The following RAB11FIP1 variants were observed in gnomAD, a reference collection of about 807,000 sequenced individuals.
RAB11FIP1 encodes rab11 family-interacting protein 1.
Under a neutral mutation model 83.1 loss-of-function variants are expected in RAB11FIP1, and 49 were observed. The ratio of observed to expected loss-of-function variants is 0.59; its 90% confidence interval spans 0.47 to 0.75. The LOEUF is 0.75. RAB11FIP1 is among the 30% of genes least tolerant of loss of function. RAB11FIP1 has a pLI of 0.00. For synonymous variants in RAB11FIP1, 670 were observed against 656.0 expected (o/e 1.02, Z -0.33); for missense variants, 1,536 against 1,598.7 (o/e 0.96, Z 0.67).
chr8:37,871,593 C>A lies in RAB11FIP1; in HGVS notation c.3209G>T (p.Ser1070Ile). Residue 1070 changes from serine (S) to isoleucine (I), a missense_variant, in exon 4 of 6, where the codon AGT becomes ATT. Coordinates refer to ENST00000330843, the MANE Select transcript of RAB11FIP1 (RefSeq NM_001002814.3). ...SSLDKQLPGP[S>I]GGEEEKPMGN... ...CATCGGTTTTTCTTCCTCACCACCACTGGGGCCTGGCAGCTGTTTATCCAA... is the reference window on the plus strand; with the variant it reads ...CATCGGTTTTTCTTCCTCACCACCAATGGGGCCTGGCAGCTGTTTATCCAA... 6.2e-7 allele frequency: 1 copy of A among 1,601,854 alleles called. No homozygotes were observed. Among genetic ancestry groups the A allele is most frequent in the East Asian group, 2.2e-5 (1 of 44,668 alleles).
intron 4 of RAB11FIP1, chr8:37,870,805 A>G (rs1806437271): frequency 5.5e-6 from 2 of 365,040 alleles, no homozygotes; most frequent in East Asian, 9.3e-5. Context: ...CAGAACATTA[A>G]AGGCAGTCTC....
chr8:37,874,902 A>C lies in RAB11FIP1; in HGVS notation c.1235T>G (p.Met412Arg). The change falls in exon 3 of 6, where the codon ATG (methionine) becomes AGG (arginine). Residue 412 changes from methionine (M) to arginine (R), a missense_variant. Coordinates refer to ENST00000330843, the MANE Select transcript of RAB11FIP1 (RefSeq NM_001002814.3). ...TGTGGCCTCTGAGTTTGCGGGGGCCATGTTTTCCCTGAGGTCCCCACTGAC... is the reference window on the plus strand; with the variant it reads ...TGTGGCCTCTGAGTTTGCGGGGGCCCTGTTTTCCCTGAGGTCCCCACTGAC... The part of the protein sequence containing the change: ...PLVSGDLREN[M>R]APANSEATKE... The C allele has an allele frequency of 6.2e-7, 1 of 1,613,972 alleles. No homozygotes were observed. The highest frequency in any genetic ancestry group is 8.5e-7 in the Non-Finnish European group (1 of 1,179,988).
chr8:37,879,641 G>C (rs1806696249), intron 1 of RAB11FIP1, among the ~76,000 whole-genome samples: 1 of 152,210 alleles, frequency 6.6e-6, no homozygotes, highest in South Asian at 2.1e-4. Context: ...CCAGCACTTT[G>C]GGAGGCCAAG....
intron 5 of RAB11FIP1, among the ~76,000 whole-genome samples, chr8:37,865,018 C>A (rs1806315122): frequency 2.0e-5 from 3 of 151,544 alleles, no homozygotes; most frequent in Admixed American, 2.0e-4. Context: ...ATCCTCCCAC[C>A]TTGGCCTCCC....
At position 37,899,177 on chromosome 8, in the gene RAB11FIP1, G is replaced by T. The variant is rs867539052; in HGVS notation, c.265C>A (p.Gln89Lys). ...SSGPAAAATL[Q>K]LTVLHRALLG... ...AGCGCGCGGTGCAGCACGGTGAGCT[G>T]CAGGGTGGCGGCGGCCGCGGGTCCG... is the stretch of plus-strand genomic sequence containing the variant. The change falls in exon 1 of 6, where the codon CAG (glutamine) becomes AAG (lysine). Residue 89 changes from glutamine to lysine, a missense_variant. By Grantham distance (53) the Gln-to-Lys change is moderately conservative. Transcript: ENST00000330843. This position sits in a 1 kb window ranked among gnomAD's most constrained non-coding sequence, Gnocchi z 4.5. The T allele has an allele frequency of 6.4e-7, 1 of 1,560,446 alleles. No homozygotes were observed. The highest frequency in any genetic ancestry group is 1.9e-5 in the Admixed American group (1 of 53,956).
Position 37,875,247 on chromosome 8 carries a change from T to A in RAB11FIP1, c.890A>T (p.Glu297Val). 1.2e-6 allele frequency: 2 copies of A among 1,614,016 alleles called. No individual in the cohort carries two copies. Among genetic ancestry groups the A allele is most frequent in the South Asian group, 2.2e-5 (2 of 91,062 alleles). The stretch of plus-strand genomic sequence containing the variant: ...AAGGCCACCAAGAAAGGAAAGTCCT[T>A]CCTTCTTGGGAAGGGTAAAGTTGAC... ...NQVNFTLPKKEGLSFLGGLRS... is the reference protein window; with the variant it reads ...NQVNFTLPKKVGLSFLGGLRS... Residue 297 changes from glutamate (E) to valine (V), a missense_variant, in exon 3 of 6, where the codon GAA (glutamate) becomes GTA (valine). Coordinates refer to ENST00000330843, the MANE Select transcript of RAB11FIP1 (RefSeq NM_001002814.3).
Position 37,875,205 on chromosome 8 carries a change from A to T in RAB11FIP1, c.932T>A (p.Val311Asp). 6.2e-7 allele frequency: 1 copy of T among 1,614,100 alleles called. No homozygotes were observed. The highest frequency in any genetic ancestry group is 8.5e-7 in the Non-Finnish European group (1 of 1,180,008). Residue 311 changes from valine to aspartate, a missense_variant, in exon 3 of 6, where the codon GTC becomes GAC. Transcript: ENST00000330843. Reference sequence around the variant, plus strand: ...GATGCAGACATTAGAGCGGGAAAGGACATCATTCTTAGACCGAAGGCCACC... The same window carrying T: ...GATGCAGACATTAGAGCGGGAAAGGTCATCATTCTTAGACCGAAGGCCACC... ...FLGGLRSKND[V>D]LSRSNVCING... is the part of the protein sequence containing the mutation.
chr8:37,897,014 A>G (rs1423737251), intron 1 of RAB11FIP1, among the ~76,000 whole-genome samples: 1 of 152,176 alleles, frequency 6.6e-6, no homozygotes, highest in Non-Finnish European at 1.5e-5. Context: ...AACAGCACCC[A>G]TTTGAAGCTG....
At chr8:37,883,318 C>T (rs1283887102) in intron 1 of RAB11FIP1, among the ~76,000 whole-genome samples, 1 of 152,150 alleles carries the variant, frequency 6.6e-6, no homozygotes, top group Non-Finnish European at 1.5e-5. Context: ...CCTGCCTCAG[C>T]TTGCTGAGTA....
Position 37,872,700 on chromosome 8 carries a change from C to A in RAB11FIP1, c.2102G>T (p.Arg701Leu). 1 of 1,614,204 alleles carries A rather than the reference C, an allele frequency of 6.2e-7. No individual in the cohort carries two copies. The highest frequency in any genetic ancestry group is 8.5e-7 in the Non-Finnish European group (1 of 1,180,036). The change falls in exon 4 of 6, where the codon CGA becomes CTA. Residue 701 changes from arginine (R) to leucine (L), a missense_variant. Arg to Leu is a moderately radical substitution (Grantham distance 102). Transcript: ENST00000330843. ...GAATCTCGGAAGTTCTTCCTCTTGT[C>A]GCCCTGTTTCAGGCTGCTCTGGGAG... ...ESLPEQPETGRQEEELPRFPC... is the reference protein window; with the variant it reads ...ESLPEQPETGLQEEELPRFPC...
chr8:37,883,944 T>C (rs1806772704), intron 1 of RAB11FIP1, among the ~76,000 whole-genome samples: 1 of 152,172 alleles, frequency 6.6e-6, no homozygotes, highest in South Asian at 2.1e-4. Flanking sequence ...AAAGTAAAAA[T>C]CAAATGATCC....
chr8:37,881,048 C>T (rs1806725098), intron 1 of RAB11FIP1, among the ~76,000 whole-genome samples: 1 of 152,152 alleles, frequency 6.6e-6, no homozygotes, highest in African/African-American at 2.4e-5. Flanking sequence ...TGCTACGGCT[C>T]CTTCTACACT....
chr8:37,898,944 G>C, intron 1 of RAB11FIP1, 127 bp downstream of exon 1: 1 of 1,004,022 alleles, frequency 1.0e-6, no homozygotes, highest in Non-Finnish European at 1.4e-6. Flanking sequence ...CACCGGCCGA[G>C]GGCTCCGTCC....
intron 1 of RAB11FIP1, among the ~76,000 whole-genome samples, chr8:37,888,213 T>C (rs989793436): frequency 1.3e-5 from 2 of 152,140 alleles, no homozygotes; most frequent in Non-Finnish European, 2.9e-5. Flanking sequence ...TTCAAGTGAT[T>C]CTCCTGCCTC....
chr8:37,898,445 T>C (rs1213726977), intron 1 of RAB11FIP1, among the ~76,000 whole-genome samples: 5 of 150,586 alleles, frequency 3.3e-5, no homozygotes, highest in African/African-American at 9.8e-5. Context: ...ACGAGGTCAA[T>C]AGTTCAAGAC....
intron 1 of RAB11FIP1, among the ~76,000 whole-genome samples, chr8:37,897,973 G>A (rs1013346083): frequency 1.3e-5 from 2 of 152,178 alleles, no homozygotes; most frequent in African/African-American, 4.8e-5. Context: ...TTAGGGTGGG[G>A]GTGTCAGCTG....
At chr8:37,869,462 C>T (rs908434387) in intron 5 of RAB11FIP1, among the ~76,000 whole-genome samples, 5 of 151,700 alleles carry the variant, frequency 3.3e-5, no homozygotes, top group African/African-American at 4.8e-5. Context: ...CATGGTGGCG[C>T]GCACCTACAG....
rs1173626381 is a variant in RAB11FIP1, at chr8:37,872,066, C to A, written c.2736G>T (p.Arg912Ser). Residue 912 changes from arginine (R) to serine (S), a missense_variant, in exon 4 of 6, where the codon AGG (arginine) becomes AGT (serine). Coordinates refer to ENST00000330843, the MANE Select transcript of RAB11FIP1 (RefSeq NM_001002814.3). Reference sequence around the variant, plus strand: ...TCACAAGGGCATCCTCTCCCTCCATCCTAAAGAGTGGAGTGTCTTTCGCTG... The same window carrying A: ...TCACAAGGGCATCCTCTCCCTCCATACTAAAGAGTGGAGTGTCTTTCGCTG... ...ASSAKDTPLF[R>S]MEGEDALVTQ... is the part of the protein sequence containing the mutation. 6.2e-7 allele frequency: 1 copy of A among 1,614,046 alleles called. No homozygotes were observed. The highest frequency in any genetic ancestry group is 8.5e-7 in the Non-Finnish European group (1 of 1,179,976).
intron 1 of RAB11FIP1, among the ~76,000 whole-genome samples, chr8:37,894,071 G>A (rs1406110342): frequency 1.3e-5 from 2 of 152,356 alleles, no homozygotes; most frequent in South Asian, 2.1e-4. Flanking sequence ...TAGAGTGGGA[G>A]GGGACTGTGG....
Sources: allele counts gnomAD v4.1 joint callset (sites outside exome capture counted in the v4.1 genomes callset), GRCh38; gene constraint gnomAD v4.1.1; non-coding constraint Gnocchi (gnomAD v3.1); transcripts MANE v1.5; gene names NCBI Gene and HGNC (gene_info 2026-07-23, HGNC 2026-07-21).